Variants in HYDIN observed in about 807,000 individuals in gnomAD.
HYDIN encodes the protein HYDIN axonemal central pair apparatus protein, also known as axonemal central pair apparatus protein HYDIN.
In HYDIN, 132 loss-of-function variants were observed where a neutral mutation model predicts 403.9. The observed-to-expected ratio is 0.33, with a 90% CI of 0.28 to 0.38. The LOEUF is 0.38. HYDIN is among the 10% of genes least tolerant of loss of function. The pLI, the probability that HYDIN is intolerant of heterozygous loss-of-function variation, is 1.00. For synonymous variants in HYDIN, 1,202 were observed against 1,891.7 expected (o/e 0.64, Z 9.46); for missense variants, 2,827 against 5,009.5 (o/e 0.56, Z 13.15).
Position 70,920,896 on chromosome 16 carries a change from G to C in HYDIN, c.7480C>G (p.Pro2494Ala). 1 of 1,612,930 alleles carries C rather than the reference G, an allele frequency of 6.2e-7. No individual in the cohort carries two copies. The highest frequency in any genetic ancestry group is 2.2e-5 in the East Asian group (1 of 44,850). Residue 2494 changes from proline (P) to alanine (A), a missense_variant, in exon 46 of 86, where the codon CCC becomes GCC. Coordinates refer to ENST00000393567, the MANE Select transcript of HYDIN (RefSeq NM_001270974.2). ...AAGGGGACCTGGCGCTGGTCGTCGG[G>C]CTCATGGGGCGCTTCCTCCATCCCT... ...PAGMEEAPHE[P>A]DDQRQVPLGG...
intron 4 of HYDIN, among the ~76,000 whole-genome samples, chr16:71,176,923 G>A (rs113567416): frequency 6.6e-5 from 10 of 152,218 alleles, no homozygotes; most frequent in African/African-American, 1.4e-4. Context: ...AGCATTTCTC[G>A]GGGCCCCAAA....
chr16:70,878,731 G>T (rs2040596811), intron 62 of HYDIN, among the ~76,000 whole-genome samples: 1 of 142,748 alleles, frequency 7.0e-6, no homozygotes, highest in African/African-American at 3.0e-5. Context: ...AATGCCCACT[G>T]AAGGCATTGC....
At chr16:71,073,638 G>A (rs1400793190) in intron 13 of HYDIN, among the ~76,000 whole-genome samples, 2 of 152,052 alleles carry the variant, frequency 1.3e-5, no homozygotes, top group Non-Finnish European at 2.9e-5. Context: ...TAAATGCTTG[G>A]AGGTTTTCAA....
At chr16:70,813,547 C>A (rs1004856232) in intron 84 of HYDIN, among the ~76,000 whole-genome samples, 10 of 151,214 alleles carry the variant, frequency 6.6e-5, no homozygotes, top group Non-Finnish European at 1.5e-4. Context: ...GCTCTTAAAT[C>A]CTGATCCTCA....
chr16:71,059,305 C>T (rs570878630), intron 18 of HYDIN, among the ~76,000 whole-genome samples: 1 of 152,046 alleles, frequency 6.6e-6, no homozygotes, highest in South Asian at 2.1e-4. Context: ...TTTCATCCAT[C>T]TTATTTTTGC....
At chr16:71,068,175 T>A (rs2082338489) in intron 14 of HYDIN, among the ~76,000 whole-genome samples, 1 of 149,556 alleles carries the variant, frequency 6.7e-6, no homozygotes, top group African/African-American at 2.5e-5. Context: ...TCAGAAGACT[T>A]GTTATGATTT....
Position 70,818,404 on chromosome 16 carries a change from TGGA to T in HYDIN, c.14593_14595del (p.Ser4865del). ...GCGATGTCGGGCATCCGGCATTCCG[TGGA>T]GAAGGTCACCGAGTAGGGCAGAGGG... is the stretch of plus-strand genomic sequence containing the variant. On this transcript the variant is annotated inframe_deletion, in exon 84 of 86. Coordinates refer to ENST00000393567, the MANE Select transcript of HYDIN (RefSeq NM_001270974.2). 6.2e-7 allele frequency: 1 copy of T among 1,613,738 alleles called. No homozygotes were observed. Among genetic ancestry groups the T allele is most frequent in the Non-Finnish European group, 8.5e-7 (1 of 1,179,808 alleles).
At chr16:71,098,733 TAAAAA>T (rs56001948) in intron 10 of HYDIN, among the ~76,000 whole-genome samples, 8 of 128,176 alleles carry the variant, frequency 6.2e-5, no homozygotes, top group Admixed American at 2.3e-4. Flanking sequence ...CTGCCTTTCT[TAAAAA>T]AAAAAAAAAA....
At chr16:71,156,472 T>TA (rs1323136647) in intron 6 of HYDIN, among the ~76,000 whole-genome samples, 1 of 152,084 alleles carries the variant, frequency 6.6e-6, no homozygotes, top group Non-Finnish European at 1.5e-5. Flanking sequence ...TACAAAGAAG[T>TA]AAAAGGTGTT....
chr16:70,892,109 TTGA>T (rs2041504624), intron 56 of HYDIN, among the ~76,000 whole-genome samples: 1 of 151,980 alleles, frequency 6.6e-6, no homozygotes. Context: ...TCCTTTGCAC[TTGA>T]TGATGGGACT....
chr16:70,842,381 G>A (rs888559679), intron 75 of HYDIN, among the ~76,000 whole-genome samples: 2 of 151,692 alleles, frequency 1.3e-5, no homozygotes, highest in African/African-American at 4.8e-5. Flanking sequence ...TTACATGCAT[G>A]TTTATAATTG....
intron 7 of HYDIN, among the ~76,000 whole-genome samples, chr16:71,145,932 T>A (rs988266409): frequency 6.6e-6 from 1 of 152,192 alleles, no homozygotes; most frequent in Non-Finnish European, 1.5e-5. Flanking sequence ...AGTGAAGTCG[T>A]CACTCAAGTT....
chr16:71,059,233 A>G, intron 18 of HYDIN, among the ~76,000 whole-genome samples: 1 of 152,124 alleles, frequency 6.6e-6, no homozygotes. Flanking sequence ...GTCCATGTGC[A>G]GAATGGTATT....
At position 70,883,137 on chromosome 16, in the gene HYDIN, G is replaced by A. The variant is rs1352718467; in HGVS notation, c.9980-242C>T. On this transcript the variant is annotated intron_variant, in intron 59 of 85. Coordinates refer to ENST00000393567, the MANE Select transcript of HYDIN (RefSeq NM_001270974.2). ...CCAATGGTAAGATCCAAGATCTGGGGTGTGCTATGGAGGGAAGGAGGCAAC... is the reference window on the plus strand; with the variant it reads ...CCAATGGTAAGATCCAAGATCTGGGATGTGCTATGGAGGGAAGGAGGCAAC... Among the ~76,000 whole-genome samples the A allele has an allele frequency of 2.3e-4, 35 of 152,134 alleles. No individual in the cohort carries two copies. The East Asian group carries it at 6.9e-3, about 30-fold the overall frequency.
At chr16:71,211,637 A>T (rs1220084568) in intron 1 of HYDIN, among the ~76,000 whole-genome samples, 1 of 131,444 alleles carries the variant, frequency 7.6e-6, no homozygotes, top group African/African-American at 3.0e-5. Flanking sequence ...GTGAGACTCC[A>T]TCTCAAAAAA....
Position 70,955,493 on chromosome 16 carries a change from G to A in HYDIN, c.6198C>T (p.Ser2066=). The change falls in exon 40 of 86, where the codon AGC becomes AGT. Residue 2066 remains serine (S), a synonymous_variant. Transcript: ENST00000393567. ...VAKYYNAACL[S]IDSIVLEAVA... ...CAGCTTCCAGCACAATGGAGTCGAT[G>A]CTCAGGCAGGCTGCGTTGTAGTACT... is the stretch of plus-strand genomic sequence containing the variant. 1 of 1,591,508 alleles carries A rather than the reference G, an allele frequency of 6.3e-7. No individual in the cohort carries two copies. Among genetic ancestry groups the A allele is most frequent in the Non-Finnish European group, 8.6e-7 (1 of 1,162,462 alleles).
At chr16:71,051,927 A>G (rs866280849) in intron 18 of HYDIN, among the ~76,000 whole-genome samples, 2 of 152,204 alleles carry the variant, frequency 1.3e-5, no homozygotes, top group Admixed American at 6.5e-5. Context: ...TAGTTAGAAA[A>G]TTCAATGCAA....
intron 19 of HYDIN, among the ~76,000 whole-genome samples, 186 bp from the exon 20 acceptor site, chr16:71,028,061 C>A (rs1354065091): frequency 2.0e-5 from 3 of 146,426 alleles, no homozygotes; most frequent in African/African-American, 7.5e-5. Flanking sequence ...GCGTTGGCAT[C>A]ACCAGGTAAG....
At chr16:71,024,473 C>G (rs1445205265) in intron 21 of HYDIN, among the ~76,000 whole-genome samples, 1 of 150,016 alleles carries the variant, frequency 6.7e-6, no homozygotes, top group Non-Finnish European at 1.5e-5. Context: ...CACCTTGCAC[C>G]TCTTCTTAAT....
Sources: gnomAD v4.1 joint callset for allele counts (sites outside exome capture counted in the v4.1 genomes callset) on GRCh38, gnomAD v4.1.1 for gene constraint, MANE v1.5 for transcripts, NCBI Gene and HGNC (gene_info 2026-07-23, HGNC 2026-07-21) for gene names.